Variants in FBXW7 observed in about 807,000 individuals in gnomAD.
FBXW7 encodes F-box/WD repeat-containing protein 7.
In FBXW7, 11 loss-of-function variants were observed where a neutral mutation model predicts 86.3. The observed-to-expected ratio is 0.13, with a 90% CI of 0.08 to 0.21. FBXW7 has a LOEUF of 0.21. Among genes scored for constraint, FBXW7 ranks in the 10% least tolerant of loss-of-function variants. The pLI is 1.00. For synonymous variants in FBXW7, 313 were observed against 297.9 expected (o/e 1.05, Z -0.52); for missense variants, 488 against 847.4 (o/e 0.58, Z 5.27).
intron 4 of FBXW7, among the ~76,000 whole-genome samples, chr4:152,360,799 T>C (rs1326477133): frequency 8.0e-5 from 12 of 150,666 alleles, no homozygotes; most frequent in Non-Finnish European, 1.2e-4. Context: ...TGTGTATGCA[T>C]AGAGAAAAGC....
chr4:152,474,121 G>C (rs1744191357), intron 2 of FBXW7, among the ~76,000 whole-genome samples: 1 of 152,180 alleles, frequency 6.6e-6, no homozygotes, highest in Non-Finnish European at 1.5e-5. Flanking sequence ...CACAGAATCA[G>C]ATAAAGGCTT....
At position 152,410,659 on chromosome 4, in the gene FBXW7, T is replaced by C. The variant is rs114040622; in HGVS notation, c.501+644A>G. ...TACGATGTTAAATCAGTTTGTATAT[T>C]GTTTATGGCCTAAAATCACTGTAAA... On this transcript the variant is annotated intron_variant, in intron 4 of 13. Transcript: ENST00000281708. Among the ~76,000 whole-genome samples, 781 of 152,288 alleles carry C rather than the reference T, an allele frequency of 5.1e-3. 6 individuals are homozygous for C. Among genetic ancestry groups the C allele is most frequent in the Middle Eastern group, 0.01 (3 of 294 alleles).
intron 2 of FBXW7, among the ~76,000 whole-genome samples, chr4:152,440,327 T>C (rs941354337): frequency 2.0e-5 from 3 of 152,194 alleles, no homozygotes; most frequent in African/African-American, 7.2e-5. Context: ...ATTTTCTTTA[T>C]GAAAATCTCA....
intron 2 of FBXW7, among the ~76,000 whole-genome samples, chr4:152,416,139 C>A (rs1253176922): frequency 6.6e-6 from 1 of 152,162 alleles, no homozygotes; most frequent in Non-Finnish European, 1.5e-5. Flanking sequence ...TTATCTCCAG[C>A]ACCCACAAAA....
intron 6 of FBXW7, among the ~76,000 whole-genome samples, chr4:152,340,886 T>G (rs945667473): frequency 1.3e-5 from 2 of 152,190 alleles, no homozygotes; most frequent in Non-Finnish European, 1.5e-5. Flanking sequence ...CTCATTTCAG[T>G]AAAATAAACT....
Position 152,418,716 on chromosome 4 carries a change from GA to G in FBXW7, c.-119-6188del, listed in dbSNP as rs74596747. Among the ~76,000 whole-genome samples, 128 of 152,238 alleles carry G rather than the reference GA, an allele frequency of 8.4e-4. No individual in the cohort carries two copies. In the East Asian group the frequency reaches 0.021, roughly 25 times the overall value. On this transcript the variant is annotated intron_variant, in intron 2 of 13. Coordinates refer to ENST00000281708, the MANE Select transcript of FBXW7 (RefSeq NM_001349798.2). ...AGAAAAGATTATCCTGCTACTCACA[GA>G]AAAACAGTGAACATTATGCTGCAGC...
intron 2 of FBXW7, among the ~76,000 whole-genome samples, chr4:152,434,033 A>G (rs908681107): frequency 2.6e-5 from 4 of 152,180 alleles, no homozygotes; most frequent in African/African-American, 9.7e-5. Context: ...TCCACATATC[A>G]AAAGTATTCT....
intron 2 of FBXW7, among the ~76,000 whole-genome samples, chr4:152,481,430 G>A (rs1444710437): frequency 6.6e-6 from 1 of 152,172 alleles, no homozygotes; most frequent in Non-Finnish European, 1.5e-5. Context: ...TTGTTTTCAT[G>A]CCTGCTACCA....
chr4:152,393,102 G>T (rs1274715262), intron 4 of FBXW7, among the ~76,000 whole-genome samples: 1 of 152,042 alleles, frequency 6.6e-6, no homozygotes, highest in Non-Finnish European at 1.5e-5. Flanking sequence ...CTTTTAGAAG[G>T]TGCAGTTGAT....
chr4:152,387,708 C>CTTTT (rs34073737), intron 4 of FBXW7, among the ~76,000 whole-genome samples: 12 of 112,788 alleles, frequency 1.1e-4, no homozygotes, highest in African/African-American at 2.1e-4. Flanking sequence ...CATGGCATAC[C>CTTTT]TTTTTTTTTT....
intron 4 of FBXW7, among the ~76,000 whole-genome samples, chr4:152,404,472 T>TAC (rs921831863): frequency 6.6e-6 from 1 of 152,198 alleles, no homozygotes; most frequent in East Asian, 1.9e-4. Flanking sequence ...TGTAGATACA[T>TAC]ACACACACAC....
chr4:152,332,833 G>T, intron 7 of FBXW7, 114 bp from the exon 8 acceptor site: 1 of 448,908 alleles, frequency 2.2e-6, no homozygotes, highest in Non-Finnish European at 3.1e-6. Context: ...TCTGCACTCT[G>T]ATTTCTAAAA....
intron 4 of FBXW7, among the ~76,000 whole-genome samples, chr4:152,370,800 C>A (rs1473478004): frequency 6.6e-6 from 1 of 151,314 alleles, no homozygotes; most frequent in Non-Finnish European, 1.5e-5. Context: ...TATAGAAAAA[C>A]AGAATTACAA....
chr4:152,480,666 A>T (rs1232468213), intron 2 of FBXW7, among the ~76,000 whole-genome samples: 1 of 152,216 alleles, frequency 6.6e-6, no homozygotes, highest in Admixed American at 6.6e-5. Flanking sequence ...TCCAGTGAAC[A>T]CATGAATAAT....
intron 2 of FBXW7, among the ~76,000 whole-genome samples, chr4:152,432,228 T>A (rs1003481000): frequency 6.6e-6 from 1 of 152,154 alleles, no homozygotes; most frequent in Non-Finnish European, 1.5e-5. Context: ...ACCTTGCCTG[T>A]TGAAATGGAA....
intron 13 of FBXW7, chr4:152,323,472 T>C: frequency 2.9e-6 from 1 of 339,478 alleles, no homozygotes; most frequent in Non-Finnish European, 5.5e-6. Context: ...CTTCATACCT[T>C]CTGCTGATGG....
At chr4:152,441,590 A>C (rs1342402360) in intron 2 of FBXW7, among the ~76,000 whole-genome samples, 1 of 152,228 alleles carries the variant, frequency 6.6e-6, no homozygotes, top group Non-Finnish European at 1.5e-5. Flanking sequence ...TAATAATAAA[A>C]TGGAAGTAAA....
At chr4:152,472,365 T>C (rs527623206) in intron 2 of FBXW7, among the ~76,000 whole-genome samples, 2 of 152,276 alleles carry the variant, frequency 1.3e-5, no homozygotes, top group African/African-American at 2.4e-5. Context: ...GCAGCACTAT[T>C]TGTAAGAACC....
intron 2 of FBXW7, among the ~76,000 whole-genome samples, chr4:152,512,761 T>C (rs1748097763): frequency 6.6e-6 from 1 of 152,220 alleles, no homozygotes; most frequent in South Asian, 2.1e-4. Flanking sequence ...AGTGACTCCT[T>C]AATGAGCATC....
Sources: gnomAD v4.1 joint callset for allele counts (sites outside exome capture counted in the v4.1 genomes callset) on GRCh38, gnomAD v4.1.1 for gene constraint, MANE v1.5 for transcripts, NCBI Gene and HGNC (gene_info 2026-07-23, HGNC 2026-07-21) for gene names.